NSUN4: variants seen among roughly 807,000 people sequenced by gnomAD.
The protein encoded by NSUN4 is 5-cytosine rRNA methyltransferase NSUN4.
In NSUN4, 31 loss-of-function variants were observed where a neutral mutation model predicts 43.8. The observed-to-expected ratio is 0.71, with a 90% CI of 0.53 to 0.96. The LOEUF is 0.96. Ranked by LOEUF, NSUN4 falls within the 40% of genes least tolerant of loss-of-function variation. The pLI is 0.00. For missense variants in NSUN4, 439 were observed against 475.6 expected (o/e 0.92, Z 0.72); for synonymous variants, 167 against 184.1 (o/e 0.91, Z 0.75).
the NSUN4 span, chr1:46,370,664 G>C: frequency 6.7e-6 from 1 of 150,298 alleles, no homozygotes; most frequent in African/African-American, 2.5e-5. Context: ...ATTATTCTTA[G>C]GTCACAAATT....
intron 2 of NSUN4, 161 bp downstream of exon 2, chr1:46,345,305 A>G: frequency 1.8e-6 from 1 of 568,876 alleles, no homozygotes; most frequent in Non-Finnish European, 3.1e-6. Flanking sequence ...TACATATGTT[A>G]TCTCTTTTTG....
At chr1:46,360,622 C>T in intron 4 of NSUN4, 82 bp from the exon 5 acceptor site, 1 of 1,470,214 alleles carries the variant, frequency 6.8e-7, no homozygotes, top group Non-Finnish European at 9.3e-7. Context: ...CAAACTTAGG[C>T]CAGGGGCCTA....
At chr1:46,347,865 T>TC (rs1368192087) in intron 3 of NSUN4, among the ~76,000 whole-genome samples, 15 of 151,584 alleles carry the variant, frequency 9.9e-5, no homozygotes, top group Admixed American at 9.9e-4. Flanking sequence ...CTTTCTTTTT[T>TC]TTTTTCTTTC....
At chr1:46,350,896 C>T (rs973621350) in intron 3 of NSUN4, among the ~76,000 whole-genome samples, 1 of 152,190 alleles carries the variant, frequency 6.6e-6, no homozygotes, top group African/African-American at 2.4e-5. Context: ...AGAATGACTG[C>T]TGGAAGTCCA....
chr1:46,366,704 C>CAAAAAAAAAAAAAAAA (rs34437222), downstream of NSUN4, among the ~76,000 whole-genome samples: 1 of 59,408 alleles, frequency 1.7e-5, no homozygotes, highest in Non-Finnish European at 2.8e-5. Flanking sequence ...ACTAAAAATA[C>CAAAAAAAAAAAAAAAA]AAAAAAAAAA....
chr1:46,347,449 A>G (rs7555989), intron 3 of NSUN4, among the ~76,000 whole-genome samples: 34,134 of 151,982 alleles, frequency 0.22, 4,307 homozygotes, highest in Non-Finnish European at 0.29. Flanking sequence ...CACACACACA[A>G]AAAAAGAATA....
chr1:46,376,663 C>T, the NSUN4 span, among the ~76,000 whole-genome samples: 31 of 152,074 alleles, frequency 2.0e-4, no homozygotes, highest in Admixed American at 1.9e-3. Flanking sequence ...ACGTGCATCA[C>T]ACATAGTAAA....
At chr1:46,345,278 AT>A (rs11304172) in intron 2 of NSUN4, 134 bp downstream of exon 2, 148,429 of 647,738 alleles carry the variant, frequency 0.23, 19,939 homozygotes, top group Non-Finnish European at 0.28. Context: ...CAGACTAGGC[AT>A]TTTTTTGAGG....
the NSUN4 span, chr1:46,371,104 C>T: frequency 6.6e-6 from 1 of 151,930 alleles, no homozygotes; most frequent in Admixed American, 6.6e-5. Flanking sequence ...GAGGCTCTGT[C>T]CTTAACCACC....
At chr1:46,350,331 G>T (rs61784604) in intron 3 of NSUN4, among the ~76,000 whole-genome samples, 2 of 152,004 alleles carry the variant, frequency 1.3e-5, no homozygotes, top group African/African-American at 4.8e-5. Context: ...CCAGGAGTTC[G>T]AGACTAGCCT....
chr1:46,368,780 T>TG (rs760896657), downstream of NSUN4, among the ~76,000 whole-genome samples: 1 of 152,192 alleles, frequency 6.6e-6, no homozygotes, highest in East Asian at 1.9e-4. Flanking sequence ...AGGCTGGGCA[T>TG]GGTGGTTCAT....
intron 2 of NSUN4, among the ~76,000 whole-genome samples, chr1:46,345,786 TA>T (rs1193024796): frequency 6.6e-5 from 10 of 152,386 alleles, no homozygotes; most frequent in Non-Finnish European, 1.2e-4. Flanking sequence ...AATTATGCTT[TA>T]ACAATTAAGG....
At chr1:46,353,051 C>T (rs761078936) in intron 4 of NSUN4, 23 bp downstream of exon 4, 3 of 1,612,124 alleles carry the variant, frequency 1.9e-6, no homozygotes, top group Non-Finnish European at 2.5e-6. Context: ...TGATTTAGGA[C>T]ATGCATCCAG....
intron 5 of NSUN4, 45 bp downstream of exon 5, chr1:46,360,873 C>A (rs1663819339): frequency 6.2e-7 from 1 of 1,605,336 alleles, no homozygotes; most frequent in Admixed American, 1.7e-5. Flanking sequence ...CCAGAGTGCT[C>A]TGGGAGACTG....
intron 1 of NSUN4, chr1:46,343,045 A>G (rs1662225910): frequency 2.5e-6 from 1 of 399,488 alleles, no homozygotes; most frequent in Non-Finnish European, 4.4e-6. Flanking sequence ...CTTCCTTGTG[A>G]TCCTGTCTCG....
At chr1:46,348,663 C>G (rs1662705612) in intron 3 of NSUN4, among the ~76,000 whole-genome samples, 1 of 136,166 alleles carries the variant, frequency 7.3e-6, no homozygotes, top group Non-Finnish European at 1.5e-5. Context: ...GAGCTGAGAT[C>G]ACGCCATTGC....
Position 46,362,023 on chromosome 1 carries a change from T to G in NSUN4, c.*177T>G. The G allele has an allele frequency of 1.6e-6, 1 of 638,288 alleles. No homozygotes were observed. The highest frequency in any genetic ancestry group is 2.7e-6 in the Non-Finnish European group (1 of 371,530). The allele number at this position is 638,288 out of a possible 1,614,324, so 39.5% of individuals were successfully genotyped here. Reference sequence around the variant, plus strand: ...GATTTGCTGTCCTGCTGTCCAATTGTGGAGCATCAGCAGGTTTCCAACTCA... The same window carrying G: ...GATTTGCTGTCCTGCTGTCCAATTGGGGAGCATCAGCAGGTTTCCAACTCA... On this transcript the variant is annotated 3_prime_UTR_variant, in exon 6 of 6. Coordinates refer to ENST00000474844, the MANE Select transcript of NSUN4 (RefSeq NM_199044.4).
chr1:46,383,319 G>A, the NSUN4 span, among the ~76,000 whole-genome samples: 73 of 143,126 alleles, frequency 5.1e-4, 2 homozygotes, highest in African/African-American at 1.3e-3. Flanking sequence ...CCATGCTGGG[G>A]AGAGGTGGGC....
At chr1:46,368,408 T>C (rs1215188768), downstream of NSUN4, among the ~76,000 whole-genome samples, 1 of 152,228 alleles carries the variant, frequency 6.6e-6, no homozygotes, top group East Asian at 1.9e-4. Flanking sequence ...GAAGGGATGC[T>C]GTGCAACTTC....
Sources: allele counts gnomAD v4.1 joint callset (sites outside exome capture counted in the v4.1 genomes callset), GRCh38; gene constraint gnomAD v4.1.1; transcripts MANE v1.5; gene names NCBI Gene and HGNC (gene_info 2026-07-23, HGNC 2026-07-21).